The following ADAMTS6 variants were observed in gnomAD, a reference collection of about 807,000 sequenced individuals.
ADAMTS6 encodes A disintegrin and metalloproteinase with thrombospondin motifs 6.
In ADAMTS6, 23 loss-of-function variants were observed where a neutral mutation model predicts 144.3. That is an observed-to-expected ratio of 0.16 (90% CI 0.11 to 0.23). The LOEUF is 0.23. ADAMTS6 is among the 10% of genes least tolerant of loss of function. ADAMTS6 has a pLI of 1.00. For missense variants in ADAMTS6, 999 were observed against 1,379.6 expected (o/e 0.72, Z 4.37); for synonymous variants, 444 against 457.5 (o/e 0.97, Z 0.38).
chr5:65,224,834 A>C, intron 17 of ADAMTS6, 90 bp downstream of exon 17: 1 of 1,431,452 alleles, frequency 7.0e-7, no homozygotes. Context: ...CTAAATAAAG[A>C]AATCTGAAAA....
intron 10 of ADAMTS6, among the ~76,000 whole-genome samples, chr5:65,299,157 ATATTTACCATT>A (rs1347302121): frequency 3.9e-5 from 6 of 152,158 alleles, no homozygotes; most frequent in Non-Finnish European, 8.8e-5. Flanking sequence ...ATTTAAAATA[ATATTTACCATT>A]TAAAGAATGT....
chr5:65,375,696 A>G (rs1751465547), intron 7 of ADAMTS6, among the ~76,000 whole-genome samples: 1 of 152,140 alleles, frequency 6.6e-6, no homozygotes, highest in South Asian at 2.1e-4. Flanking sequence ...TGTGGAAGTC[A>G]GTGTGGCGAT....
At chr5:65,429,548 T>C (rs1324225074) in intron 7 of ADAMTS6, among the ~76,000 whole-genome samples, 1 of 152,078 alleles carries the variant, frequency 6.6e-6, no homozygotes, top group East Asian at 1.9e-4. Flanking sequence ...ATTAAACTTG[T>C]ATGCTTTCTT....
chr5:65,339,476 C>G (rs1209146051), intron 7 of ADAMTS6, among the ~76,000 whole-genome samples: 1 of 146,418 alleles, frequency 6.8e-6, no homozygotes, highest in African/African-American at 2.6e-5. Flanking sequence ...AAAATGCAAC[C>G]CACAAAGAAA....
At chr5:65,347,703 G>A (rs556131805) in intron 7 of ADAMTS6, among the ~76,000 whole-genome samples, 2 of 152,084 alleles carry the variant, frequency 1.3e-5, no homozygotes, top group South Asian at 4.2e-4. Context: ...ATTTAACAGT[G>A]ATAAGACAAC....
At chr5:65,356,051 A>G (rs1053771055) in intron 7 of ADAMTS6, among the ~76,000 whole-genome samples, 1 of 151,732 alleles carries the variant, frequency 6.6e-6, no homozygotes, top group Non-Finnish European at 1.5e-5. Context: ...TCATGTTCAG[A>G]CTTTTTTTTC....
At position 65,406,374 on chromosome 5, in the gene ADAMTS6, CA is replaced by C. The variant is rs200706342; in HGVS notation, c.1073+45100del. On this transcript the variant is annotated intron_variant, in intron 7 of 24. Coordinates refer to ENST00000381055, the MANE Select transcript of ADAMTS6 (RefSeq NM_197941.4). ...AGCATGAAGGGGTGTTGAATTTTGT[CA>C]AAGGCCTTTTCGGCATCTATTGAGA... Among the ~76,000 whole-genome samples the C allele has an allele frequency of 8.2e-3, 1,246 of 152,060 alleles. 11 individuals carry two copies. Among genetic ancestry groups the C allele is most frequent in the African/African-American group, 0.028 (1,182 of 41,500 alleles).
At chr5:65,398,529 G>A (rs1326337813) in intron 7 of ADAMTS6, among the ~76,000 whole-genome samples, 5 of 151,792 alleles carry the variant, frequency 3.3e-5, no homozygotes, top group Non-Finnish European at 7.4e-5. Context: ...GTTCGAGACC[G>A]GCCTGGCCAA....
intron 7 of ADAMTS6, among the ~76,000 whole-genome samples, chr5:65,423,809 T>C (rs911559023): frequency 2.6e-5 from 4 of 152,208 alleles, no homozygotes; most frequent in Non-Finnish European, 4.4e-5. Flanking sequence ...TTGCCTACTA[T>C]GCATTTTGCA....
intron 7 of ADAMTS6, among the ~76,000 whole-genome samples, chr5:65,411,681 T>C (rs1755066482): frequency 6.6e-6 from 1 of 152,170 alleles, no homozygotes; most frequent in South Asian, 2.1e-4. Context: ...GATTCAACTT[T>C]ATTCAAAGAT....
At chr5:65,315,067 A>C (rs1744859545) in intron 9 of ADAMTS6, among the ~76,000 whole-genome samples, 1 of 152,138 alleles carries the variant, frequency 6.6e-6, no homozygotes, top group Non-Finnish European at 1.5e-5. Flanking sequence ...TCTTATTCTT[A>C]ATTGATATAA....
intron 7 of ADAMTS6, chr5:65,416,349 A>T (rs1157645211): frequency 6.6e-6 from 1 of 152,538 alleles, no homozygotes; most frequent in Non-Finnish European, 1.5e-5. Flanking sequence ...ATGGAAATGT[A>T]AAATAATGCA....
intron 18 of ADAMTS6, among the ~76,000 whole-genome samples, chr5:65,216,313 A>G (rs533689202): frequency 6.6e-6 from 1 of 152,322 alleles, no homozygotes; most frequent in Non-Finnish European, 1.5e-5. Flanking sequence ...AAAACATTAA[A>G]TGGAAGAGAC....
intron 24 of ADAMTS6, among the ~76,000 whole-genome samples, chr5:65,156,561 A>G (rs778909508): frequency 2.0e-5 from 3 of 152,224 alleles, no homozygotes; most frequent in Non-Finnish European, 4.4e-5. Context: ...CAAGTAGTGC[A>G]TAATGTGCAG....
intron 7 of ADAMTS6, among the ~76,000 whole-genome samples, chr5:65,435,877 C>T (rs1021975974): frequency 2.0e-5 from 3 of 151,996 alleles, no homozygotes; most frequent in South Asian, 2.1e-4. Flanking sequence ...CCACCCGCCT[C>T]GGCCTTCCAA....
chr5:65,237,273 A>G (rs1758740466), intron 15 of ADAMTS6, among the ~76,000 whole-genome samples: 1 of 151,484 alleles, frequency 6.6e-6, no homozygotes, highest in Non-Finnish European at 1.5e-5. Flanking sequence ...CGTGGTGCCT[A>G]GCTACTCAGG....
intron 21 of ADAMTS6, among the ~76,000 whole-genome samples, chr5:65,189,297 T>G (rs961708682): frequency 2.0e-5 from 3 of 152,204 alleles, no homozygotes; most frequent in Admixed American, 6.5e-5. Context: ...GTCTAAGGGA[T>G]GTAACTCATG....
chr5:65,356,814 A>G (rs1749365974), intron 7 of ADAMTS6, among the ~76,000 whole-genome samples: 1 of 151,804 alleles, frequency 6.6e-6, no homozygotes, highest in African/African-American at 2.4e-5. Flanking sequence ...AAGTTTTAGG[A>G]TATCTTAAAA....
chr5:65,301,916 C>T (rs1220436927), intron 9 of ADAMTS6, among the ~76,000 whole-genome samples: 1 of 151,512 alleles, frequency 6.6e-6, no homozygotes, highest in African/African-American at 2.4e-5. Context: ...TGGTGAAACC[C>T]TGTCTCTACT....
Sources: gnomAD v4.1 joint callset for allele counts (sites outside exome capture counted in the v4.1 genomes callset) on GRCh38, gnomAD v4.1.1 for gene constraint, MANE v1.5 for transcripts, NCBI Gene and HGNC (gene_info 2026-07-23, HGNC 2026-07-21) for gene names.